Variants in PPM1B observed in about 807,000 individuals in gnomAD.
PPM1B encodes the protein protein phosphatase, Mg2+/Mn2+ dependent 1B, also known as protein phosphatase 1B.
Under a neutral mutation model 43.0 loss-of-function variants are expected in PPM1B, and 22 were observed. That is an observed-to-expected ratio of 0.51 (90% confidence interval 0.37 to 0.73). PPM1B has a LOEUF of 0.73. PPM1B is among the 30% of genes least tolerant of loss of function. The pLI, the probability that PPM1B is intolerant of heterozygous loss-of-function variation, is 0.00. For synonymous variants in PPM1B, 217 were observed against 197.9 expected, an observed-to-expected ratio of 1.10 and a Z score of -0.81; for missense variants, 632 against 584.2, an observed-to-expected ratio of 1.08 and a Z score of -0.84.
At chr2:44,196,230 C>T (rs745926447) in intron 1 of PPM1B, among the ~76,000 whole-genome samples, 1 of 152,078 alleles carries the variant, frequency 6.6e-6, no homozygotes, top group South Asian at 2.1e-4. Flanking sequence ...CTCCTTAGGC[C>T]CCTGTTGGCT....
At chr2:44,239,609 A>T (rs534133390), downstream of PPM1B, among the ~76,000 whole-genome samples, 2 of 152,298 alleles carry the variant, frequency 1.3e-5, no homozygotes, top group Non-Finnish European at 2.9e-5. Flanking sequence ...GGGGAGGCAC[A>T]TCTCATGTAA....
rs769487073 is a variant in PPM1B at position 44,217,989 on chromosome 2, G to T, written c.987G>T (p.Glu329Asp). The T allele has an allele frequency of 1.2e-5, 20 of 1,604,872 alleles. No individual in the cohort carries two copies. Among genetic ancestry groups the T allele is most frequent in the Non-Finnish European group, 1.6e-5 (19 of 1,177,216 alleles). Residue 329 changes from glutamate (E) to aspartate (D), a missense_variant, in exon 4 of 6, where the codon GAG (glutamate) becomes GAT (aspartate). Transcript: ENST00000282412. ...RVEEIMEKSG[E>D]EGMPDLAHVM... ...CAGAGATTATGGAGAAGTCTGGCGA[G>T]GAAGGAATGCCTGATCTTGCCCATG...
chr2:44,171,956 A>G (rs971358823), intron 1 of PPM1B, among the ~76,000 whole-genome samples: 23 of 152,170 alleles, frequency 1.5e-4, no homozygotes, highest in African/African-American at 4.3e-4. Context: ...TCTCGCTTTT[A>G]AAAATGCAAC....
intron 1 of PPM1B, among the ~76,000 whole-genome samples, chr2:44,174,482 T>C (rs908170561): frequency 1.3e-5 from 2 of 152,228 alleles, no homozygotes; most frequent in Non-Finnish European, 2.9e-5. Context: ...TCAGAATCAG[T>C]TGTGAATGAA....
chr2:44,230,956 A>T lies in PPM1B; in HGVS notation c.*238A>T. The T allele has an allele frequency of 9.0e-7, 1 of 1,108,666 alleles. No homozygotes were observed. The allele number at this position is 1,108,666 out of a possible 1,614,324, so 68.7% of individuals were successfully genotyped here. On this transcript the variant is annotated 3_prime_UTR_variant, in exon 6 of 6. Transcript: ENST00000282412. ...TATGTCATTTCACATTGTATGCCAG[A>T]AATTAGGCTACCAATTATGAATTAA...
intron 3 of PPM1B, among the ~76,000 whole-genome samples, chr2:44,215,638 A>G (rs1432454679): frequency 6.6e-6 from 1 of 152,176 alleles, no homozygotes; most frequent in Non-Finnish European, 1.5e-5. Context: ...GAAAGGAATA[A>G]TATTAAAATA....
intron 1 of PPM1B, among the ~76,000 whole-genome samples, chr2:44,172,069 T>C (rs1051256418): frequency 6.6e-5 from 10 of 152,180 alleles, no homozygotes; most frequent in Non-Finnish European, 1.3e-4. Context: ...AATAAAAGTT[T>C]GTTTAATCCA....
At chr2:44,215,795 A>T (rs1669693270) in intron 3 of PPM1B, among the ~76,000 whole-genome samples, 1 of 152,110 alleles carries the variant, frequency 6.6e-6, no homozygotes, top group African/African-American at 2.4e-5. Flanking sequence ...TCTAGTAAAA[A>T]CCTATTTTTT....
chr2:44,196,190 G>A (rs1445149686), intron 1 of PPM1B, among the ~76,000 whole-genome samples: 1 of 152,156 alleles, frequency 6.6e-6, no homozygotes, highest in Non-Finnish European at 1.5e-5. Context: ...TCCCATTAAG[G>A]ATGTACCACG....
At position 44,231,055 on chromosome 2, in the gene PPM1B, C is replaced by A. The variant is rs1435342118; in HGVS notation, c.*337C>A. ...GAGATTATGCTATATTATGGAAAAA[C>A]TTGTTAATGTAGAATTATACTGCTT... On this transcript the variant is annotated 3_prime_UTR_variant, in exon 6 of 6. Transcript: ENST00000282412. The A allele has an allele frequency of 6.5e-6, 6 of 916,478 alleles. No homozygotes were observed. Among genetic ancestry groups the A allele is most frequent in the Non-Finnish European group, 7.9e-6 (6 of 762,070 alleles). 56.8% of individuals were successfully genotyped at this position (916,478 alleles called of 1,614,324 possible).
intron 3 of PPM1B, chr2:44,213,636 G>A (rs185681489): frequency 1.3e-5 from 2 of 152,044 alleles, no homozygotes; most frequent in Admixed American, 1.3e-4. Flanking sequence ...CCTAAACAAT[G>A]TGCTTAAAGT....
chr2:44,243,519 C>G (rs1332589580), intron 5 of PPM1B, among the ~76,000 whole-genome samples: 1 of 151,966 alleles, frequency 6.6e-6, no homozygotes, highest in Non-Finnish European at 1.5e-5. Flanking sequence ...AATATTTGTA[C>G]TTTAATACAA....
chr2:44,244,440 G>T (rs1670814466), downstream of PPM1B: 7 of 1,123,082 alleles, frequency 6.2e-6, no homozygotes, highest in South Asian at 1.7e-5. Flanking sequence ...AGACAGAGAA[G>T]GACTGTCACT....
At chr2:44,240,928 T>C (rs1183258473) in intron 5 of PPM1B, among the ~76,000 whole-genome samples, 1 of 146,348 alleles carries the variant, frequency 6.8e-6, no homozygotes, top group Non-Finnish European at 1.5e-5. Flanking sequence ...ATGTCTTGTA[T>C]GTAAATTTGT....
At chr2:44,173,227 G>T (rs1010239535) in intron 1 of PPM1B, among the ~76,000 whole-genome samples, 4 of 152,198 alleles carry the variant, frequency 2.6e-5, no homozygotes, top group Non-Finnish European at 4.4e-5. Flanking sequence ...ATGGTGAAAA[G>T]AACCCTTTAC....
chr2:44,236,447 C>G (rs116554030), downstream of PPM1B, among the ~76,000 whole-genome samples: 453 of 138,552 alleles, frequency 3.3e-3, no homozygotes, highest in African/African-American at 0.011. Context: ...AACTGGTCTT[C>G]CTATATGAAA....
chr2:44,222,014 C>G lies in PPM1B; in HGVS notation c.1134+3477C>G, dbSNP rs997310491. 2.0e-5 allele frequency among the ~76,000 whole-genome samples: 3 copies of G among 152,032 alleles called. No individual in the cohort carries two copies. In the East Asian group the frequency reaches 5.8e-4, roughly 29 times the overall value. ...TACAAATTTGTAACAAAGGGTTTAG[C>G]CAGGGATTCTTAGTCTAGGGATTCA... On this transcript the variant is annotated intron_variant, in intron 5 of 5. Coordinates refer to ENST00000282412, the MANE Select transcript of PPM1B (RefSeq NM_002706.6).
chr2:44,227,000 G>A (rs539132348), intron 5 of PPM1B, among the ~76,000 whole-genome samples: 1 of 150,132 alleles, frequency 6.7e-6, no homozygotes, highest in African/African-American at 2.4e-5. Flanking sequence ...GAATGACAGG[G>A]TCTTCCTCCA....
chr2:44,185,839 A>G (rs1374565532), intron 1 of PPM1B, among the ~76,000 whole-genome samples: 2 of 152,232 alleles, frequency 1.3e-5, no homozygotes, highest in African/African-American at 4.8e-5. Flanking sequence ...CTCTTAAACA[A>G]TTATTCAAGC....
Sources: gnomAD v4.1 joint callset for allele counts (sites outside exome capture counted in the v4.1 genomes callset) on GRCh38, gnomAD v4.1.1 for gene constraint, MANE v1.5 for transcripts, NCBI Gene and HGNC (gene_info 2026-07-23, HGNC 2026-07-21) for gene names.